The following USP16 variants were observed in gnomAD, a reference collection of about 807,000 sequenced individuals.
USP16 encodes ubiquitin carboxyl-terminal hydrolase 16.
USP16 carries 77 observed loss-of-function variants against 95.9 expected under a neutral mutation model. That is an observed-to-expected ratio of 0.80 (90% confidence interval 0.67 to 0.97). USP16 has a LOEUF of 0.97. Ranked by LOEUF, USP16 falls within the 50% of genes least tolerant of loss-of-function variation. USP16 has a pLI of 0.00. For missense variants in USP16, 943 were observed against 959.9 expected (o/e 0.98, Z 0.23); for synonymous variants, 303 against 318.2 (o/e 0.95, Z 0.51).
At chr21:29,040,010 G>A (rs2085219674) in intron 9 of USP16, among the ~76,000 whole-genome samples, 1 of 152,004 alleles carries the variant, frequency 6.6e-6, no homozygotes, top group Non-Finnish European at 1.5e-5. Context: ...TACTTGCCAG[G>A]ATATAAAAAA....
Position 29,054,360 on chromosome 21 carries a change from T to C in USP16, c.*173T>C. 1.2e-6 allele frequency: 1 copy of C among 853,378 alleles called. No individual in the cohort carries two copies. The highest frequency in any genetic ancestry group is 1.9e-5 in the South Asian group (1 of 51,508). The allele number at this position is 853,378 out of a possible 1,614,324, so 52.9% of individuals were successfully genotyped here. On this transcript the variant is annotated 3_prime_UTR_variant, in exon 18 of 18. Coordinates refer to ENST00000399976, the MANE Select transcript of USP16 (RefSeq NM_006447.3). The stretch of plus-strand genomic sequence containing the variant: ...AATACCTAAAAATGTACAAAGGTTT[T>C]ATATTGTCATAGTGGTTTTTATTCC...
At chr21:29,040,734 G>C (rs775584096) in intron 10 of USP16, 47 bp downstream of exon 10, 7 of 1,036,506 alleles carry the variant, frequency 6.8e-6, no homozygotes, top group Non-Finnish European at 9.9e-6. Context: ...GAATTCCTCT[G>C]TACCTTAGGA....
chr21:29,045,900 T>A (rs2085314621), intron 13 of USP16, among the ~76,000 whole-genome samples: 1 of 152,016 alleles, frequency 6.6e-6, no homozygotes. Flanking sequence ...CCACCTTCCA[T>A]GTTCAAGCTA....
chr21:29,028,068 A>G, intron 2 of USP16, 94 bp downstream of exon 2: 1 of 888,102 alleles, frequency 1.1e-6, no homozygotes, highest in Non-Finnish European at 1.7e-6. Context: ...TTATTGTTAT[A>G]TTATCTGCAT....
chr21:29,042,225 T>G lies in USP16; in HGVS notation c.1122+121T>G, dbSNP rs2085255541. 4 of 925,142 alleles carry G rather than the reference T, an allele frequency of 4.3e-6. No individual in the cohort carries two copies. In the South Asian group the frequency reaches 7.0e-5, roughly 16 times the overall value. The allele number at this position is 925,142 out of a possible 1,614,324, so 57.3% of individuals were successfully genotyped here. On this transcript the variant is annotated intron_variant, in intron 11 of 17. Coordinates refer to ENST00000399976, the MANE Select transcript of USP16 (RefSeq NM_006447.3). ...ATCTTTTTAAACTATTCAGATGCTA[T>G]TCAGATGTGCATGGTTCTTTGTGGG...
chr21:29,038,420 T>C lies in USP16; in HGVS notation c.722T>C (p.Leu241Ser). 6.2e-7 allele frequency: 1 copy of C among 1,611,258 alleles called. No homozygotes were observed. The highest frequency in any genetic ancestry group is 8.5e-7 in the Non-Finnish European group (1 of 1,177,868). The stretch of plus-strand genomic sequence containing the variant: ...ATTGTAAAAATTGAACCACCTGATT[T>C]GGCATTAACAGTATGTTCTTTAAAC... ...GTIVKIEPPDLALTEPLEINL... is the reference protein window; with the variant it reads ...GTIVKIEPPDSALTEPLEINL... The change falls in exon 7 of 18, where the codon TTG becomes TCG. Residue 241 changes from leucine to serine, a missense_variant. Physicochemically the swap from Leu to Ser is moderately radical, Grantham distance 145. Coordinates refer to ENST00000399976, the MANE Select transcript of USP16 (RefSeq NM_006447.3).
intron 16 of USP16, among the ~76,000 whole-genome samples, chr21:29,050,446 TAATG>T (rs1568900798): frequency 6.6e-6 from 1 of 152,184 alleles, no homozygotes; most frequent in African/African-American, 2.4e-5. Flanking sequence ...GCAGATCTAT[TAATG>T]AATAATCTGT....
rs754084000 is a variant in USP16 at position 29,034,793 on chromosome 21, C to G, written c.241-44C>G. 32 of 1,584,782 alleles carry G rather than the reference C, an allele frequency of 2.0e-5. No individual in the cohort carries two copies. In the Admixed American group the frequency reaches 5.4e-4, roughly 27 times the overall value. On this transcript the variant is annotated intron_variant, in intron 3 of 17. Transcript: ENST00000399976. ...ATAGATTATGCATTCTCCCCTCTTGCTGAGTTTTTATGGCTTTGAGGTTTA... is the reference window on the plus strand; with the variant it reads ...ATAGATTATGCATTCTCCCCTCTTGGTGAGTTTTTATGGCTTTGAGGTTTA...
Position 29,036,373 on chromosome 21 carries a change from A to G in USP16, c.447A>G (p.Pro149=), listed in dbSNP as rs2146371833. The G allele has an allele frequency of 3.1e-6, 5 of 1,613,004 alleles. No homozygotes were observed. The highest frequency in any genetic ancestry group is 2.2e-5 in the South Asian group (2 of 90,746). Residue 149 remains proline, a splice_region_variant and synonymous_variant, in exon 5 of 18, where the codon CCA becomes CCG. Coordinates refer to ENST00000399976, the MANE Select transcript of USP16 (RefSeq NM_006447.3). ...RKQASITTPK[P]AEKDNGNIEL... ...AAGCCAGCATTACAACTCCAAAGCCAGGTAAAATAATTTGTTTCTTTAATA... is the reference window on the plus strand; with the variant it reads ...AAGCCAGCATTACAACTCCAAAGCCGGGTAAAATAATTTGTTTCTTTAATA...
chr21:29,046,433 C>G (rs192022168), intron 13 of USP16, among the ~76,000 whole-genome samples: 1 of 152,264 alleles, frequency 6.6e-6, no homozygotes, highest in Non-Finnish European at 1.5e-5. Context: ...CAGGTGTGAG[C>G]CGCCATGCCC....
intron 2 of USP16, among the ~76,000 whole-genome samples, chr21:29,030,006 T>C (rs2085054506): frequency 6.6e-6 from 1 of 152,166 alleles, no homozygotes. Context: ...TTTTTATTAC[T>C]ATTATTATCT....
At position 29,047,276 on chromosome 21, in the gene USP16, G is replaced by A. The variant is rs2085341199; in HGVS notation, c.1966G>A (p.Val656Ile). The change falls in exon 14 of 18, where the codon GTA (valine) becomes ATA (isoleucine). Residue 656 changes from valine (V) to isoleucine (I), a missense_variant. Physicochemically the swap from Val to Ile is conservative, Grantham distance 29. Transcript: ENST00000399976. ...LRDANKLLCE[V>I]CTRRQCNGPK... Reference sequence around the variant, plus strand: ...AGATGCGAATAAACTGCTTTGTGAAGTATGCACACGGAGACAGTGTAATGG... The same window carrying A: ...AGATGCGAATAAACTGCTTTGTGAAATATGCACACGGAGACAGTGTAATGG... 1.2e-6 allele frequency: 2 copies of A among 1,614,020 alleles called. No individual in the cohort carries two copies. Among genetic ancestry groups the A allele is most frequent in the South Asian group, 1.1e-5 (1 of 91,048 alleles).
intron 3 of USP16, among the ~76,000 whole-genome samples, chr21:29,033,873 T>C (rs1343267321): frequency 6.6e-6 from 1 of 152,184 alleles, no homozygotes; most frequent in Non-Finnish European, 1.5e-5. Context: ...GGAGGTGGCT[T>C]TTGAGCAAGA....
In USP16 at chr21:29,046,789, T is replaced by G; in HGVS notation, c.1479T>G (p.Ile493Met). The G allele has an allele frequency of 1.2e-6, 2 of 1,614,148 alleles. No individual in the cohort carries two copies. The highest frequency in any genetic ancestry group is 1.1e-5 in the South Asian group (1 of 91,078). ...TGTCACTTCAAGGAGAAGTAAATAT[T>G]AAATCCAACCATATTTCACAAGAGG... ...AEMSLQGEVN[I>M]KSNHISQEGV... Residue 493 changes from isoleucine (I) to methionine (M), a missense_variant, in exon 14 of 18, where the codon ATT becomes ATG. Transcript: ENST00000399976.
chr21:29,043,690 G>A lies in USP16; in HGVS notation c.1356+91G>A, dbSNP rs111690571. The A allele has an allele frequency of 4.2e-6, 5 of 1,185,572 alleles. No homozygotes were observed. In the South Asian group the frequency reaches 1.3e-4, roughly 31 times the overall value. The allele number at this position is 1,185,572 out of a possible 1,614,324, so 73.4% of individuals were successfully genotyped here. A position where few individuals can be genotyped will look rare whatever the true frequency, so the allele number is the denominator to read the frequency against. The stretch of plus-strand genomic sequence containing the variant: ...TGAATGACATTGGTTAGACATGTCT[G>A]TTATTTTAGATACAGCACTTTCATT... On this transcript the variant is annotated intron_variant, in intron 13 of 17. Transcript: ENST00000399976.
rs2085461369 is a variant in USP16, at chr21:29,054,220, T to C, written c.*33T>C. On this transcript the variant is annotated 3_prime_UTR_variant, in exon 18 of 18. Transcript: ENST00000399976. ...AAAAGCACTTTTTCTGGAAACACAT[T>C]TATGGCTTTTATAATGGCTGAAATA... The C allele has an allele frequency of 1.3e-6, 2 of 1,590,558 alleles. No homozygotes were observed. Among genetic ancestry groups the C allele is most frequent in the Admixed American group, 3.4e-5 (2 of 58,214 alleles).
At chr21:29,048,094 TGTG>T (rs1601071940) in intron 14 of USP16, among the ~76,000 whole-genome samples, 1 of 146,876 alleles carries the variant, frequency 6.8e-6, no homozygotes, top group African/African-American at 2.6e-5. Context: ...TGTGTGTGTG[TGTG>T]TTTTGAGACA....
At chr21:29,047,367 C>T in intron 14 of USP16, 46 bp downstream of exon 14, 1 of 1,555,200 alleles carries the variant, frequency 6.4e-7, no homozygotes, top group Non-Finnish European at 8.7e-7. Flanking sequence ...TTCAGGGGCA[C>T]ATTTTGCACT....
chr21:29,036,776 A>G (rs567302766), intron 5 of USP16, among the ~76,000 whole-genome samples: 42 of 152,374 alleles, frequency 2.8e-4, no homozygotes, highest in African/African-American at 9.6e-4. Context: ...TTCCATGCAT[A>G]ATTAAATTAA....
Sources: gnomAD v4.1 joint callset for allele counts (sites outside exome capture counted in the v4.1 genomes callset) on GRCh38, gnomAD v4.1.1 for gene constraint, MANE v1.5 for transcripts, NCBI Gene and HGNC (gene_info 2026-07-23, HGNC 2026-07-21) for gene names.